Variants in BRAP observed in about 807,000 individuals in gnomAD.
BRAP encodes BRCA1 associated protein, also known as BRCA1-associated protein.
BRAP carries 42 observed loss-of-function variants against 73.4 expected under a neutral mutation model. That is an observed-to-expected ratio of 0.57 (90% confidence interval 0.45 to 0.74). BRAP has a LOEUF of 0.74. Ranked by LOEUF, BRAP falls within the 30% of genes least tolerant of loss-of-function variation. The probability of loss-of-function intolerance (pLI) is 0.00; values close to 1 mark genes in which losing one functional copy is unlikely to be tolerated. For synonymous variants in BRAP, 255 were observed against 267.4 expected (o/e 0.95, Z 0.45); for missense variants, 593 against 751.4 (o/e 0.79, Z 2.46).
Position 111,679,317 on chromosome 12 carries a change from T to A in BRAP, c.467A>T (p.Asp156Val). 1.3e-6 allele frequency: 2 copies of A among 1,556,024 alleles called. No homozygotes were observed. Among genetic ancestry groups the A allele is most frequent in the East Asian group, 2.3e-5 (1 of 43,922 alleles). ...ACACAGCATGGCACTGCGCCGCACA[T>A]CTTCTTTTAAGGAGGTCATCTTACT... ...KTNKMTSLKE[D>V]VRRSAMLCIL... Residue 156 changes from aspartate to valine, a missense_variant, in exon 4 of 12, where the codon GAT (aspartate) becomes GTT (valine). Asp to Val is a radical substitution (Grantham distance 152). Transcript: ENST00000419234.
intron 9 of BRAP, 45 bp from the exon 10 acceptor site, chr12:111,655,700 C>A: frequency 3.4e-6 from 5 of 1,450,166 alleles, no homozygotes; most frequent in Non-Finnish European, 4.8e-6. Flanking sequence ...TCACTGTTGT[C>A]AGCCTCTGAA....
At chr12:111,672,233 G>A (rs371955838) in intron 5 of BRAP, among the ~76,000 whole-genome samples, 1 of 152,088 alleles carries the variant, frequency 6.6e-6, no homozygotes, top group East Asian at 1.9e-4. Context: ...CAAGAATTAG[G>A]AGTTAATATT....
chr12:111,647,957 A>G (rs140704464), intron 11 of BRAP, among the ~76,000 whole-genome samples: 46 of 151,622 alleles, frequency 3.0e-4, no homozygotes, highest in African/African-American at 1.1e-3. Flanking sequence ...TAGTCCAGTT[A>G]CTTGGGAGGC....
At chr12:111,664,275 T>C (rs1886854622) in intron 6 of BRAP, among the ~76,000 whole-genome samples, 1 of 152,116 alleles carries the variant, frequency 6.6e-6, no homozygotes, top group Non-Finnish European at 1.5e-5. Flanking sequence ...GAGGAGGCAG[T>C]GAGCTGTGAT....
rs1490376404 is a variant in BRAP, at chr12:111,683,377, A to G, written c.83-70T>C. On this transcript the variant is annotated intron_variant, in intron 1 of 11. Coordinates refer to ENST00000419234, the MANE Select transcript of BRAP (RefSeq NM_006768.5). The stretch of plus-strand genomic sequence containing the variant: ...CCTCTCTGTTCTCTATTCCTCTATC[A>G]TTAGGTTTTCCTTTTCTTTCTCCTG... 4 of 1,491,902 alleles carry G rather than the reference A, an allele frequency of 2.7e-6. 1 individual carries two copies. The South Asian group carries it at 4.0e-5, about 15-fold the overall frequency. 92.4% of individuals were successfully genotyped at this position (1,491,902 alleles called of 1,614,324 possible). A position where few individuals can be genotyped will look rare whatever the true frequency, so the allele number is the denominator to read the frequency against.
At chr12:111,671,860 A>G (rs1887188196) in intron 5 of BRAP, among the ~76,000 whole-genome samples, 1 of 151,384 alleles carries the variant, frequency 6.6e-6, no homozygotes, top group African/African-American at 2.4e-5. Context: ...TAATTTTTGT[A>G]TTTTTTGTAG....
chr12:111,677,543 G>A (rs961310707), intron 4 of BRAP, among the ~76,000 whole-genome samples: 12 of 152,162 alleles, frequency 7.9e-5, no homozygotes, highest in South Asian at 2.1e-4. Flanking sequence ...CACAGTTTCC[G>A]CAAGGGATTG....
chr12:111,661,200 G>C (rs1013482564), intron 6 of BRAP, among the ~76,000 whole-genome samples: 1 of 149,908 alleles, frequency 6.7e-6, no homozygotes, highest in South Asian at 2.1e-4. Context: ...GGATGGTCTC[G>C]ATCTCTTGAC....
intron 11 of BRAP, among the ~76,000 whole-genome samples, chr12:111,647,125 G>C (rs578048236): frequency 6.6e-6 from 1 of 152,192 alleles, no homozygotes; most frequent in South Asian, 2.1e-4. Flanking sequence ...TTTCAATTGG[G>C]CAGACATGGT....
At chr12:111,648,618 A>G (rs553887311) in intron 11 of BRAP, among the ~76,000 whole-genome samples, 1 of 141,886 alleles carries the variant, frequency 7.0e-6, no homozygotes, top group African/African-American at 2.7e-5. Context: ...CTGGCGACAG[A>G]GCAAGACTCT....
At chr12:111,659,833 A>G (rs1886676679) in intron 7 of BRAP, among the ~76,000 whole-genome samples, 1 of 152,164 alleles carries the variant, frequency 6.6e-6, no homozygotes, top group South Asian at 2.1e-4. Flanking sequence ...CTTGGGCAAC[A>G]TAGCAAGACC....
chr12:111,666,350 C>T (rs1293523298), intron 5 of BRAP, among the ~76,000 whole-genome samples: 1 of 152,204 alleles, frequency 6.6e-6, no homozygotes, highest in Non-Finnish European at 1.5e-5. Context: ...AAAAGAATAG[C>T]TGGACCTGAA....
intron 7 of BRAP, 87 bp from the exon 8 acceptor site, chr12:111,659,432 T>A (rs1886657813): frequency 6.9e-6 from 9 of 1,299,292 alleles, no homozygotes; most frequent in Non-Finnish European, 9.5e-6. Flanking sequence ...GGCAGATGGA[T>A]CACCTGAGGT....
chr12:111,650,511 C>A (rs1886277317), intron 10 of BRAP, among the ~76,000 whole-genome samples: 1 of 152,140 alleles, frequency 6.6e-6, no homozygotes, highest in African/African-American at 2.4e-5. Flanking sequence ...GGTGATCCAC[C>A]TGCCTCGGCC....
intron 5 of BRAP, among the ~76,000 whole-genome samples, chr12:111,666,594 A>G (rs1385145760): frequency 2.0e-5 from 3 of 152,168 alleles, no homozygotes; most frequent in Non-Finnish European, 4.4e-5. Context: ...GTGGAGGGAG[A>G]GACAAAAATC....
chr12:111,679,447 A>G (rs1296381071), intron 3 of BRAP, 107 bp from the exon 4 acceptor site: 14 of 772,840 alleles, frequency 1.8e-5, no homozygotes, highest in Non-Finnish European at 2.6e-5. Context: ...AAAAATTGTA[A>G]TATTTCATTA....
intron 6 of BRAP, among the ~76,000 whole-genome samples, chr12:111,662,619 G>T (rs1886797310): frequency 6.6e-6 from 1 of 151,862 alleles, no homozygotes; most frequent in African/African-American, 2.4e-5. Context: ...GGAATAAACA[G>T]GAAGAACACT....
chr12:111,655,662 A>C lies in BRAP; in HGVS notation c.1222-7T>G, dbSNP rs766831290. ...TTGTTAGTAAATATGAATACTAGAA[A>C]CATAGAGAATAAAGACCAAAATGTA... is the stretch of plus-strand genomic sequence containing the variant. On this transcript the variant is annotated splice_polypyrimidine_tract_variant and splice_region_variant and intron_variant, in intron 9 of 11. Transcript: ENST00000419234. 12 of 1,600,842 alleles carry C rather than the reference A, an allele frequency of 7.5e-6. No individual in the cohort carries two copies. In the African/African-American group the frequency reaches 1.5e-4, roughly 20 times the overall value.
intron 6 of BRAP, among the ~76,000 whole-genome samples, chr12:111,663,360 C>T (rs1008230470): frequency 6.6e-6 from 1 of 151,940 alleles, no homozygotes; most frequent in Non-Finnish European, 1.5e-5. Flanking sequence ...GGCTGAGGCA[C>T]GAGGACTGCT....
Sources: allele counts gnomAD v4.1 joint callset (sites outside exome capture counted in the v4.1 genomes callset), GRCh38; gene constraint gnomAD v4.1.1; transcripts MANE v1.5; gene names NCBI Gene and HGNC (gene_info 2026-07-23, HGNC 2026-07-21).